Variants in AKT3 observed in about 807,000 individuals in gnomAD.
AKT3 encodes RAC-gamma serine/threonine-protein kinase.
AKT3 carries 15 observed loss-of-function variants against 65.3 expected under a neutral mutation model. The ratio of observed to expected loss-of-function variants is 0.23; its 90% confidence interval spans 0.15 to 0.35. The LOEUF is 0.35. AKT3 is among the 10% of genes least tolerant of loss of function. AKT3 has a pLI of 1.00. For missense variants in AKT3, 243 were observed against 576.5 expected (o/e 0.42, Z 5.92); for synonymous variants, 206 against 183.8 (o/e 1.12, Z -0.98).
At chr1:243,509,417 A>G (rs1669882556) in intron 13 of AKT3, among the ~76,000 whole-genome samples, 1 of 152,216 alleles carries the variant, frequency 6.6e-6, no homozygotes, top group South Asian at 2.1e-4. Context: ...TAAAGCAGGT[A>G]AGATGAATTT....
chr1:243,839,152 C>G (rs976638183), intron 2 of AKT3, among the ~76,000 whole-genome samples: 1 of 152,106 alleles, frequency 6.6e-6, no homozygotes, highest in Middle Eastern at 3.2e-3. Context: ...TTAATTAATA[C>G]TATTGCAATT....
At chr1:243,826,725 C>T (rs574446779) in intron 2 of AKT3, among the ~76,000 whole-genome samples, 1 of 152,170 alleles carries the variant, frequency 6.6e-6, no homozygotes, top group African/African-American at 2.4e-5. Flanking sequence ...CCCACCTATA[C>T]CCTTAAGTGG....
intron 2 of AKT3, among the ~76,000 whole-genome samples, chr1:243,763,427 C>T (rs548758371): frequency 6.6e-6 from 1 of 152,144 alleles, no homozygotes; most frequent in African/African-American, 2.4e-5. Context: ...CTTGGAAGTT[C>T]ACCTTAATAT....
In AKT3 at chr1:243,588,152, T is replaced by C. The variant is rs184660992; in HGVS notation, c.697-15104A>G. On this transcript the variant is annotated intron_variant, in intron 8 of 13. Transcript: ENST00000673466. ...CAGATTTTGAGGATGATGAGGTAGA[T>C]GGCATTTGCAGGACAGAACACTAAT... Among the ~76,000 whole-genome samples, 18 of 152,318 alleles carry C rather than the reference T, an allele frequency of 1.2e-4. No homozygotes were observed. In the East Asian group the frequency reaches 3.3e-3, roughly 28 times the overall value.
chr1:243,527,757 T>C (rs1671206071), intron 12 of AKT3, among the ~76,000 whole-genome samples: 1 of 149,496 alleles, frequency 6.7e-6, no homozygotes, highest in Admixed American at 6.6e-5. Context: ...CTTATACCTG[T>C]AGGCCCAGCT....
At chr1:243,540,324 C>T (rs1232658122) in intron 12 of AKT3, among the ~76,000 whole-genome samples, 2 of 151,892 alleles carry the variant, frequency 1.3e-5, no homozygotes, top group African/African-American at 4.8e-5. Context: ...TTTAACAGAA[C>T]ATAAAAGAGA....
rs371580711 is a variant in AKT3, at chr1:243,652,771, C to CAAAAA, written c.285-6739_285-6735dup. 2.1e-3 allele frequency among the ~76,000 whole-genome samples: 65 copies of CAAAAA among 31,268 alleles called. 2 individuals carry two copies. Among genetic ancestry groups the CAAAAA allele is most frequent in the Non-Finnish European group, 2.4e-3 (44 of 18,346 alleles). 20.5% of individuals were successfully genotyped at this position (31,268 alleles called of 152,430 possible). A position where few individuals can be genotyped will look rare whatever the true frequency, so the allele number is the denominator to read the frequency against. Reference sequence around the variant, plus strand: ...GAATATTTACCAAGCAAATAGAAAGCAAAAAAAAAAAAAAAAAAAAAAGCA... The same window carrying CAAAAA: ...GAATATTTACCAAGCAAATAGAAAGCAAAAAAAAAAAAAAAAAAAAAAAAAAAGCA... On this transcript the variant is annotated intron_variant, in intron 4 of 13. Coordinates refer to ENST00000673466, the MANE Select transcript of AKT3 (RefSeq NM_005465.7).
chr1:243,771,206 TGC>T (rs1690164603), intron 2 of AKT3, among the ~76,000 whole-genome samples: 2 of 152,292 alleles, frequency 1.3e-5, no homozygotes, highest in South Asian at 2.1e-4. Flanking sequence ...GTCCCTCAAA[TGC>T]AGTTAACTAT....
intron 10 of AKT3, among the ~76,000 whole-genome samples, chr1:243,559,756 A>G (rs1046425971): frequency 6.6e-6 from 1 of 152,168 alleles, no homozygotes; most frequent in Non-Finnish European, 1.5e-5. Context: ...CTGTAAAGAC[A>G]GAGGGGAAAA....
intron 3 of AKT3, among the ~76,000 whole-genome samples, chr1:243,669,786 A>G (rs1558702175): frequency 6.6e-6 from 1 of 152,306 alleles, no homozygotes; most frequent in East Asian, 1.9e-4. Context: ...TACCATTCTC[A>G]AGCAGATCAC....
At chr1:243,605,764 G>A (rs537033495) in intron 8 of AKT3, among the ~76,000 whole-genome samples, 52 of 152,234 alleles carry the variant, frequency 3.4e-4, no homozygotes, top group African/African-American at 1.2e-3. Flanking sequence ...CTTAACAACT[G>A]GGATATGGCC....
chr1:243,844,487 A>AT (rs909581675), intron 1 of AKT3, among the ~76,000 whole-genome samples: 4 of 151,832 alleles, frequency 2.6e-5, no homozygotes, highest in Non-Finnish European at 4.4e-5. Context: ...TCCAAAAAAA[A>AT]TTTTTTTTTG....
At chr1:243,709,193 C>CA (rs1238823184) in intron 2 of AKT3, among the ~76,000 whole-genome samples, 4 of 148,646 alleles carry the variant, frequency 2.7e-5, no homozygotes, top group East Asian at 3.9e-4. Context: ...ATCTTTATGT[C>CA]AGAGTTTTAC....
downstream of AKT3, chr1:243,499,647 T>C (rs1439978619): frequency 1.6e-5 from 14 of 899,908 alleles, no homozygotes; most frequent in South Asian, 2.8e-5. Flanking sequence ...CAGGTTTTTT[T>C]CTCCAACAAC....
At chr1:243,656,588 A>G (rs1681812518) in intron 4 of AKT3, among the ~76,000 whole-genome samples, 1 of 152,246 alleles carries the variant, frequency 6.6e-6, no homozygotes, top group Non-Finnish European at 1.5e-5. Flanking sequence ...AGGATGAGCA[A>G]GAGACAAGCA....
intron 2 of AKT3, among the ~76,000 whole-genome samples, chr1:243,723,630 A>G (rs1182925230): frequency 6.6e-6 from 1 of 152,212 alleles, no homozygotes; most frequent in Non-Finnish European, 1.5e-5. Flanking sequence ...TCAAGAGTAA[A>G]GTGTTTCCAC....
intron 3 of AKT3, among the ~76,000 whole-genome samples, chr1:243,675,345 G>A (rs916846031): frequency 3.5e-4 from 54 of 152,206 alleles, no homozygotes; most frequent in African/African-American, 6.5e-4. Flanking sequence ...GATTACAGGC[G>A]CATACTACCA....
At chr1:243,738,681 G>A (rs994660496) in intron 2 of AKT3, among the ~76,000 whole-genome samples, 9 of 151,980 alleles carry the variant, frequency 5.9e-5, no homozygotes, top group Non-Finnish European at 1.0e-4. Flanking sequence ...ATAATGACAC[G>A]GAAATAAAGA....
chr1:243,635,062 T>C (rs553989079), intron 6 of AKT3, among the ~76,000 whole-genome samples: 8 of 152,012 alleles, frequency 5.3e-5, no homozygotes, highest in Non-Finnish European at 8.8e-5. Context: ...GGATAGATCA[T>C]ATGTTGGATT....
Sources: gnomAD v4.1 joint callset for allele counts (sites outside exome capture counted in the v4.1 genomes callset) on GRCh38, gnomAD v4.1.1 for gene constraint, MANE v1.5 for transcripts, NCBI Gene and HGNC (gene_info 2026-07-23, HGNC 2026-07-21) for gene names.